RAB31: variants seen among roughly 807,000 people sequenced by gnomAD.
RAB31 encodes RAB31, member RAS oncogene family.
Under a neutral mutation model 25.6 loss-of-function variants are expected in RAB31, and 21 were observed. That is an observed-to-expected ratio of 0.82 (90% confidence interval 0.58 to 1.18). The LOEUF (loss-of-function observed/expected upper bound fraction) is 1.18. Ranked by LOEUF, RAB31 falls within the 50% of genes most tolerant of loss-of-function variation. The pLI, the probability that RAB31 is intolerant of heterozygous loss-of-function variation, is 0.00. For missense variants in RAB31, 196 were observed against 250.1 expected (o/e 0.78, Z 1.46); for synonymous variants, 87 against 84.0 (o/e 1.04, Z -0.20).
intron 3 of RAB31, among the ~76,000 whole-genome samples, chr18:9,802,775 C>T (rs936371739): frequency 2.1e-4 from 32 of 152,230 alleles, no homozygotes; most frequent in African/African-American, 6.3e-4. Context: ...ATCGCTGGGT[C>T]TGAATGGGTC....
At chr18:9,774,891 A>C (rs539368003) in intron 1 of RAB31, 1 of 520,216 alleles carries the variant, frequency 1.9e-6, no homozygotes, top group Non-Finnish European at 3.8e-6. Context: ...TTTTGAATGC[A>C]AGGTTTTGAA....
chr18:9,838,197 C>A (rs1258778456), intron 5 of RAB31, among the ~76,000 whole-genome samples: 1 of 152,164 alleles, frequency 6.6e-6, no homozygotes, highest in Non-Finnish European at 1.5e-5. Context: ...CGACATAGAC[C>A]TGAGGGAGGT....
chr18:9,771,971 C>G (rs933338160), intron 1 of RAB31, among the ~76,000 whole-genome samples: 1 of 152,322 alleles, frequency 6.6e-6, no homozygotes, highest in East Asian at 1.9e-4. Flanking sequence ...TTTGAGCAGA[C>G]TTGCTGCTGT....
intron 3 of RAB31, among the ~76,000 whole-genome samples, chr18:9,811,154 G>C (rs1480893671): frequency 6.6e-6 from 1 of 152,248 alleles, no homozygotes; most frequent in Non-Finnish European, 1.5e-5. Flanking sequence ...GGGGCAGTGG[G>C]TGGCGCCGGC....
At chr18:9,716,910 T>TTTTCTTTCTTTCTTTCTTTCTTTC (rs71168100) in intron 1 of RAB31, among the ~76,000 whole-genome samples, 1 of 128,780 alleles carries the variant, frequency 7.8e-6, no homozygotes, top group Non-Finnish European at 1.7e-5. Context: ...ACTTGGCTAA[T>TTTTCTTTCTTTCTTTCTTTCTTTC]TTTCTTTCTT....
At chr18:9,812,445 G>A (rs2068577653) in intron 3 of RAB31, among the ~76,000 whole-genome samples, 1 of 151,952 alleles carries the variant, frequency 6.6e-6, no homozygotes, top group Non-Finnish European at 1.5e-5. Flanking sequence ...ATTCCATGTA[G>A]AGTATGTGTG....
chr18:9,719,269 C>CAAAAAAAAA lies in RAB31; in HGVS notation c.39+10847_39+10855dup, dbSNP rs56291796. On this transcript the variant is annotated intron_variant, in intron 1 of 6. Transcript: ENST00000578921. Reference sequence around the variant, plus strand: ...CGGGTGACAGAGCAAGACTCTGTCTCAAAAAAAAAAAAAAAAAAAAAAAAA... The same window carrying CAAAAAAAAA: ...CGGGTGACAGAGCAAGACTCTGTCTCAAAAAAAAAAAAAAAAAAAAAAAAAAAAAAAAAA... Among the ~76,000 whole-genome samples, 10 of 21,442 alleles carry CAAAAAAAAA rather than the reference C, an allele frequency of 4.7e-4. 2 individuals carry two copies. Among genetic ancestry groups the CAAAAAAAAA allele is most frequent in the Admixed American group, 8.8e-4 (1 of 1,130 alleles). The allele number at this position is 21,442 out of a possible 152,430, so 14.1% of individuals were successfully genotyped here. A position where few individuals can be genotyped will look rare whatever the true frequency, so the allele number is the denominator to read the frequency against.
intron 1 of RAB31, among the ~76,000 whole-genome samples, chr18:9,715,182 G>C (rs142609259): frequency 2.6e-5 from 4 of 152,250 alleles, no homozygotes; most frequent in Non-Finnish European, 5.9e-5. Flanking sequence ...TACAGCGGGG[G>C]CTGTGAAGTG....
intron 1 of RAB31, among the ~76,000 whole-genome samples, chr18:9,737,511 A>G (rs1055819589): frequency 6.6e-6 from 1 of 152,204 alleles, no homozygotes; most frequent in Non-Finnish European, 1.5e-5. Context: ...TTTGTTTTCC[A>G]TACACTGCTT....
chr18:9,752,476 C>T (rs1179647966), intron 1 of RAB31, among the ~76,000 whole-genome samples: 2 of 152,128 alleles, frequency 1.3e-5, no homozygotes, highest in East Asian at 1.9e-4. Context: ...CTGCCCGCCT[C>T]GGCCTCCCAA....
At chr18:9,753,355 A>G (rs1021043912) in intron 1 of RAB31, among the ~76,000 whole-genome samples, 1 of 152,154 alleles carries the variant, frequency 6.6e-6, no homozygotes, top group Non-Finnish European at 1.5e-5. Context: ...GAGTGGCATT[A>G]ATGGCTTTAT....
At chr18:9,736,802 C>T (rs9949632) in intron 1 of RAB31, among the ~76,000 whole-genome samples, 143,593 of 152,314 alleles carry the variant, frequency 0.94, 67,787 homozygotes, top group African/African-American at 0.98. Context: ...TTGTGTAATT[C>T]GTATTAGAAG....
intron 1 of RAB31, among the ~76,000 whole-genome samples, chr18:9,730,940 A>C (rs982037916): frequency 1.3e-5 from 2 of 152,162 alleles, no homozygotes; most frequent in African/African-American, 2.4e-5. Flanking sequence ...GTCTCCCATG[A>C]GTTGAGTGTG....
chr18:9,740,022 T>C (rs2068170052), intron 1 of RAB31, among the ~76,000 whole-genome samples: 1 of 152,230 alleles, frequency 6.6e-6, no homozygotes, highest in South Asian at 2.1e-4. Context: ...TGGAGCTGAT[T>C]CTGACCTCAG....
chr18:9,816,984 T>C (rs2068602022), intron 5 of RAB31, among the ~76,000 whole-genome samples: 1 of 152,232 alleles, frequency 6.6e-6, no homozygotes, highest in Non-Finnish European at 1.5e-5. Context: ...TTCAAAAGTT[T>C]GCATCAACTT....
At chr18:9,856,795 T>C (rs2143155436) in intron 6 of RAB31, among the ~76,000 whole-genome samples, 1 of 152,266 alleles carries the variant, frequency 6.6e-6, no homozygotes, top group Admixed American at 6.5e-5. Context: ...TCCTGAAATA[T>C]TACTAACTTC....
At chr18:9,740,469 T>G (rs904086343) in intron 1 of RAB31, among the ~76,000 whole-genome samples, 12 of 152,166 alleles carry the variant, frequency 7.9e-5, no homozygotes, top group African/African-American at 2.9e-4. Flanking sequence ...ATCCCAGCAC[T>G]TTGGGAGGCC....
chr18:9,858,442 G>A (rs561416484), intron 6 of RAB31, among the ~76,000 whole-genome samples: 2 of 152,236 alleles, frequency 1.3e-5, no homozygotes, highest in East Asian at 3.9e-4. Flanking sequence ...ATTCGGTGGT[G>A]TTGGTATATT....
chr18:9,724,132 G>A (rs575479468), intron 1 of RAB31, among the ~76,000 whole-genome samples: 75 of 150,818 alleles, frequency 5.0e-4, no homozygotes, highest in East Asian at 2.1e-3. Flanking sequence ...TTAGCCGGGC[G>A]TAGTGGCGGG....
Sources: allele counts gnomAD v4.1 joint callset (sites outside exome capture counted in the v4.1 genomes callset), GRCh38; gene constraint gnomAD v4.1.1; transcripts MANE v1.5; gene names NCBI Gene and HGNC (gene_info 2026-07-23, HGNC 2026-07-21).